CTNNA2: variants seen among roughly 807,000 people sequenced by gnomAD.
CTNNA2 encodes catenin alpha 2.
In CTNNA2, 42 loss-of-function variants were observed where a neutral mutation model predicts 101.0. That is an observed-to-expected ratio of 0.42 (90% confidence interval 0.32 to 0.54). The LOEUF (loss-of-function observed/expected upper bound fraction) is 0.54, where lower values mean the gene tolerates loss of function less well. Among genes scored for constraint, CTNNA2 ranks in the 20% least tolerant of loss-of-function variants. The pLI, the probability that CTNNA2 is intolerant of heterozygous loss-of-function variation, is 0.14. For synonymous variants in CTNNA2, 450 were observed against 456.4 expected, an observed-to-expected ratio of 0.99 and a Z score of 0.18; for missense variants, 871 against 1,223.1, an observed-to-expected ratio of 0.71 and a Z score of 4.29.
At chr2:80,441,844 G>C (rs573904808) in intron 9 of CTNNA2, among the ~76,000 whole-genome samples, 1 of 152,194 alleles carries the variant, frequency 6.6e-6, no homozygotes, top group East Asian at 1.9e-4. Context: ...TTCAGAAGAG[G>C]CAAGAGGTGG....
At chr2:79,549,230 C>A (rs1027573910) in intron 1 of CTNNA2, among the ~76,000 whole-genome samples, 1 of 152,100 alleles carries the variant, frequency 6.6e-6, no homozygotes, top group Non-Finnish European at 1.5e-5. Context: ...GTTTTTTCAA[C>A]AAATAGAATT....
At chr2:80,067,392 A>T (rs1014299733) in intron 7 of CTNNA2, among the ~76,000 whole-genome samples, 6 of 152,144 alleles carry the variant, frequency 3.9e-5, no homozygotes, top group Non-Finnish European at 7.4e-5. Flanking sequence ...TTGAATATAA[A>T]CATGTTTTAT....
chr2:80,499,217 A>G (rs1372396832), intron 9 of CTNNA2, among the ~76,000 whole-genome samples: 1 of 152,188 alleles, frequency 6.6e-6, no homozygotes, highest in Non-Finnish European at 1.5e-5. Flanking sequence ...TCAAACTGTT[A>G]TATAAACCAA....
chr2:80,602,622 T>C (rs905039982), intron 15 of CTNNA2, among the ~76,000 whole-genome samples: 9 of 152,086 alleles, frequency 5.9e-5, no homozygotes, highest in African/African-American at 1.9e-4. Context: ...AAGTGTTCCT[T>C]AAAAAATAAA....
chr2:79,339,130 G>C (rs1677072252), intron 3 of CTNNA2, among the ~76,000 whole-genome samples: 1 of 131,488 alleles, frequency 7.6e-6, no homozygotes. Context: ...TAGGGAGAGA[G>C]TGAACAGGGG....
At chr2:80,485,527 G>C (rs1034196897) in intron 9 of CTNNA2, among the ~76,000 whole-genome samples, 1 of 152,198 alleles carries the variant, frequency 6.6e-6, no homozygotes, top group Admixed American at 6.5e-5. Context: ...GAAAAGGTCA[G>C]ACAGTCCATT....
At chr2:80,193,732 T>C (rs1706668379) in intron 7 of CTNNA2, among the ~76,000 whole-genome samples, 1 of 152,182 alleles carries the variant, frequency 6.6e-6, no homozygotes, top group African/African-American at 2.4e-5. Context: ...TCCTTAGAGC[T>C]CCAGGAATTA....
rs763134366 is a variant in CTNNA2, at chr2:80,608,352, C to T, written c.2430+34C>T. On this transcript the variant is annotated intron_variant, in intron 17 of 18. Transcript: ENST00000402739. ...GACTTGGGCTTCACAATGTAAAGTT[C>T]CCACCGTTGCACTTCCAAGGCAAAC... is the stretch of plus-strand genomic sequence containing the variant. The T allele has an allele frequency of 2.8e-5, 44 of 1,584,582 alleles. No homozygotes were observed. The Admixed American group carries it at 5.6e-4, about 20-fold the overall frequency.
At chr2:79,791,912 A>G (rs1327285231) in intron 3 of CTNNA2, among the ~76,000 whole-genome samples, 2 of 152,202 alleles carry the variant, frequency 1.3e-5, no homozygotes, top group African/African-American at 4.8e-5. Context: ...GGTATAGTAA[A>G]GACACCTGTA....
At chr2:80,324,689 T>A (rs138205283) in intron 7 of CTNNA2, among the ~76,000 whole-genome samples, 2 of 152,298 alleles carry the variant, frequency 1.3e-5, no homozygotes, top group Non-Finnish European at 2.9e-5. Context: ...TTTTTTGGCG[T>A]GACCTTGAGA....
chr2:80,604,030 C>T (rs149171755), intron 15 of CTNNA2, 44 bp from the exon 16 acceptor site: 102 of 1,552,064 alleles, frequency 6.6e-5, no homozygotes, highest in African/African-American at 6.1e-4. Context: ...GTCTCTTTCC[C>T]GTCATTAAGT....
At chr2:80,093,896 T>C (rs1699962822) in intron 7 of CTNNA2, among the ~76,000 whole-genome samples, 1 of 152,164 alleles carries the variant, frequency 6.6e-6, no homozygotes, top group South Asian at 2.1e-4. Context: ...TTGTAGATTC[T>C]GGATATTAGC....
chr2:80,094,313 T>C (rs1028968929), intron 7 of CTNNA2, among the ~76,000 whole-genome samples: 7 of 152,122 alleles, frequency 4.6e-5, no homozygotes, highest in Non-Finnish European at 1.5e-5. Context: ...ATCAGATAGT[T>C]GTAGATATGC....
At chr2:80,015,437 A>G (rs191633450) in intron 7 of CTNNA2, among the ~76,000 whole-genome samples, 2,158 of 152,252 alleles carry the variant, frequency 0.014, 28 homozygotes, top group Non-Finnish European at 0.021. Flanking sequence ...TCCTAACACC[A>G]TGAAAGCTGT....
chr2:79,435,948 G>T (rs1381234251), intron 4 of CTNNA2, among the ~76,000 whole-genome samples: 1 of 152,186 alleles, frequency 6.6e-6, no homozygotes, highest in East Asian at 1.9e-4. Flanking sequence ...GGGAGGGGAT[G>T]CAGCTGGACT....
chr2:79,963,354 C>A (rs1346756614), intron 7 of CTNNA2, among the ~76,000 whole-genome samples: 1 of 152,140 alleles, frequency 6.6e-6, no homozygotes, highest in Non-Finnish European at 1.5e-5. Context: ...AAGGCTAAGT[C>A]AAGCGCCACA....
chr2:79,460,256 A>G lies in CTNNA2; in HGVS notation c.-134-44798A>G, dbSNP rs182906538. ...TAATTTCATAATTTGTTACACATAT[A>G]CACCATGAAATAATCACCTCAGTCT... On this transcript the variant is annotated intron_variant, in intron 4 of 21. Transcript: ENST00000466387. 3.3e-5 allele frequency among the ~76,000 whole-genome samples: 5 copies of G among 152,324 alleles called. No homozygotes were observed. In the East Asian group the frequency reaches 9.6e-4, roughly 29 times the overall value.
chr2:79,725,922 G>A (rs1411896830), intron 2 of CTNNA2, among the ~76,000 whole-genome samples: 1 of 152,208 alleles, frequency 6.6e-6, no homozygotes, highest in Non-Finnish European at 1.5e-5. Context: ...GGAAATGCAT[G>A]TGAATCCGGC....
In CTNNA2 at chr2:80,514,078, A is replaced by G. The variant is rs528177250; in HGVS notation, c.1291-30904A>G. Reference sequence around the variant, plus strand: ...GATTGATTTCCTAACTAGATTTTATATATCTGTCCTGTTTAGGCACTCACT... The same window carrying G: ...GATTGATTTCCTAACTAGATTTTATGTATCTGTCCTGTTTAGGCACTCACT... On this transcript the variant is annotated intron_variant, in intron 9 of 18. Coordinates refer to ENST00000402739, the MANE Select transcript of CTNNA2 (RefSeq NM_001282597.3). 4.6e-5 allele frequency among the ~76,000 whole-genome samples: 7 copies of G among 152,256 alleles called. No individual in the cohort carries two copies. The South Asian group carries it at 6.2e-4, about 14-fold the overall frequency.
Sources: allele counts gnomAD v4.1 joint callset (sites outside exome capture counted in the v4.1 genomes callset), GRCh38; gene constraint gnomAD v4.1.1; transcripts MANE v1.5; gene names NCBI Gene and HGNC (gene_info 2026-07-23, HGNC 2026-07-21).